SAMD12: variants seen among roughly 807,000 people sequenced by gnomAD.
SAMD12 encodes sterile alpha motif domain containing 12.
SAMD12 carries 9 observed loss-of-function variants against 15.0 expected under a neutral mutation model. The ratio of observed to expected loss-of-function variants is 0.60; its 90% CI spans 0.36 to 1.05. The LOEUF (loss-of-function observed/expected upper bound fraction) is 1.05, where lower values mean the gene tolerates loss of function less well. Among genes scored for constraint, SAMD12 ranks in the 50% least tolerant of loss-of-function variants. The pLI, the probability that SAMD12 is intolerant of heterozygous loss-of-function variation, is 0.01. For synonymous variants in SAMD12, 86 were observed against 90.1 expected (o/e 0.96, Z 0.25); for missense variants, 230 against 234.2 (o/e 0.98, Z 0.12).
chr8:118,428,889 T>C (rs1241344830), intron 3 of SAMD12, among the ~76,000 whole-genome samples: 1 of 152,186 alleles, frequency 6.6e-6, no homozygotes, highest in Non-Finnish European at 1.5e-5. Context: ...CCTCAAAAGT[T>C]TGTTCTTTTT....
At chr8:118,497,373 A>T (rs1176995538) in intron 2 of SAMD12, among the ~76,000 whole-genome samples, 1 of 152,240 alleles carries the variant, frequency 6.6e-6, no homozygotes, top group African/African-American at 2.4e-5. Context: ...TACACATCAT[A>T]GAATACTATG....
intron 3 of SAMD12, among the ~76,000 whole-genome samples, chr8:118,382,058 A>G (rs1819703292): frequency 6.6e-6 from 1 of 152,248 alleles, no homozygotes; most frequent in Non-Finnish European, 1.5e-5. Context: ...TTTCACTCAG[A>G]AAACAAAGAA....
intron 2 of SAMD12, among the ~76,000 whole-genome samples, chr8:118,568,044 A>G (rs1826897655): frequency 6.6e-6 from 1 of 152,232 alleles, no homozygotes; most frequent in Non-Finnish European, 1.5e-5. Context: ...GATGACCTAA[A>G]ATAATAATAA....
At chr8:118,163,799 C>A in the SAMD12 span, among the ~76,000 whole-genome samples, 2 of 152,200 alleles carry the variant, frequency 1.3e-5, no homozygotes, top group African/African-American at 4.8e-5. Flanking sequence ...GGAGTGAACC[C>A]TGGAGGCAGA....
the SAMD12 span, among the ~76,000 whole-genome samples, chr8:118,141,778 T>C: frequency 6.6e-6 from 1 of 152,236 alleles, no homozygotes; most frequent in African/African-American, 2.4e-5. Flanking sequence ...CCATGGCAAT[T>C]GCCAGGAAGT....
chr8:118,612,042 C>T (rs1828125306), intron 1 of SAMD12, among the ~76,000 whole-genome samples: 2 of 152,148 alleles, frequency 1.3e-5, no homozygotes, highest in Admixed American at 1.3e-4. Context: ...AAGCCTCACC[C>T]CTGCCATCCC....
At chr8:118,327,098 T>C (rs1385698496) in intron 4 of SAMD12, among the ~76,000 whole-genome samples, 1 of 152,228 alleles carries the variant, frequency 6.6e-6, no homozygotes, top group Admixed American at 6.5e-5. Flanking sequence ...GGGAATTACA[T>C]AGGGAATACA....
intron 2 of SAMD12, among the ~76,000 whole-genome samples, chr8:118,555,973 T>G (rs1486938128): frequency 1.3e-5 from 2 of 152,202 alleles, no homozygotes; most frequent in Non-Finnish European, 2.9e-5. Context: ...TTCCAGTGAC[T>G]ATCCTTATCG....
At chr8:118,409,895 A>ATGGCC (rs758984323) in intron 3 of SAMD12, among the ~76,000 whole-genome samples, 32 of 149,770 alleles carry the variant, frequency 2.1e-4, no homozygotes, top group Non-Finnish European at 4.2e-4. Flanking sequence ...CTTTAAGAAG[A>ATGGCC]TGGCCTCTGC....
At chr8:118,395,759 C>A (rs1820525052) in intron 3 of SAMD12, among the ~76,000 whole-genome samples, 1 of 152,066 alleles carries the variant, frequency 6.6e-6, no homozygotes, top group Admixed American at 6.5e-5. Context: ...GAGATTGAGA[C>A]CATCCCGGCT....
downstream of SAMD12, among the ~76,000 whole-genome samples, chr8:118,188,853 A>G (rs1327709149): frequency 6.6e-6 from 1 of 152,118 alleles, no homozygotes; most frequent in Non-Finnish European, 1.5e-5. Context: ...TGTTTGCCGC[A>G]CTAGAGGCTG....
chr8:118,187,616 A>C (rs779263643), downstream of SAMD12, among the ~76,000 whole-genome samples: 63 of 152,306 alleles, frequency 4.1e-4, no homozygotes, highest in Non-Finnish European at 7.2e-4. Flanking sequence ...TTTGATCAAA[A>C]TATAGCTACA....
chr8:118,279,260 T>C (rs533666464), intron 4 of SAMD12, among the ~76,000 whole-genome samples: 210 of 152,306 alleles, frequency 1.4e-3, no homozygotes, highest in Middle Eastern at 3.4e-3. Flanking sequence ...TTTTCTGAAA[T>C]ATAAATTACA....
chr8:118,596,138 CTT>C (rs1422111504), intron 1 of SAMD12, among the ~76,000 whole-genome samples: 1 of 152,218 alleles, frequency 6.6e-6, no homozygotes, highest in African/African-American at 2.4e-5. Flanking sequence ...AAGACACACA[CTT>C]TGTTTACACA....
Position 118,378,541 on chromosome 8 carries a change from C to T in SAMD12, c.*876G>A. ...TCTTTCAGGGAGCACATTATTTCCT[C>T]TAGGCAAATGGACTATTACTAGGTT... On this transcript the variant is annotated 3_prime_UTR_variant, in exon 4 of 4. Coordinates refer to ENST00000314727, the MANE Select transcript of SAMD12 (RefSeq NM_207506.3). The T allele has an allele frequency of 1.0e-6, 1 of 984,880 alleles. No homozygotes were observed. Among genetic ancestry groups the T allele is most frequent in the Non-Finnish European group, 1.2e-6 (1 of 829,500 alleles). 61.0% of individuals were successfully genotyped at this position (984,880 alleles called of 1,614,324 possible).
chr8:118,616,086 A>C (rs1221564691), intron 1 of SAMD12, among the ~76,000 whole-genome samples: 1 of 152,236 alleles, frequency 6.6e-6, no homozygotes, highest in African/African-American at 2.4e-5. Context: ...GAACATAATA[A>C]AAATAAGAAA....
chr8:118,483,705 C>A (rs1316390224), intron 2 of SAMD12, among the ~76,000 whole-genome samples: 1 of 152,126 alleles, frequency 6.6e-6, no homozygotes, highest in Non-Finnish European at 1.5e-5. Context: ...TTATAATAGA[C>A]AGTAGTACAG....
intron 2 of SAMD12, among the ~76,000 whole-genome samples, chr8:118,523,543 C>G (rs905551216): frequency 6.6e-6 from 1 of 151,158 alleles, no homozygotes; most frequent in African/African-American, 2.4e-5. Flanking sequence ...CTCGCACATG[C>G]CTTTTTCATT....
the SAMD12 span, among the ~76,000 whole-genome samples, chr8:118,153,667 C>T: frequency 4.7e-3 from 722 of 152,226 alleles, 7 homozygotes; most frequent in Non-Finnish European, 4.9e-3. Flanking sequence ...TAGAACTGAA[C>T]TTGCCCTTTG....
Sources: gnomAD v4.1 joint callset for allele counts (sites outside exome capture counted in the v4.1 genomes callset) on GRCh38, gnomAD v4.1.1 for gene constraint, MANE v1.5 for transcripts, NCBI Gene and HGNC (gene_info 2026-07-23, HGNC 2026-07-21) for gene names.